The following EIF2B3 variants were observed in gnomAD, a reference collection of about 807,000 sequenced individuals.
EIF2B3 encodes eukaryotic translation initiation factor 2B subunit gamma, also known as translation initiation factor eIF2B subunit gamma.
In EIF2B3, 20 loss-of-function variants were observed where a neutral mutation model predicts 54.1. The observed-to-expected ratio is 0.37, with a 90% CI of 0.26 to 0.54. The LOEUF is 0.54. Ranked by LOEUF, EIF2B3 falls within the 20% of genes least tolerant of loss-of-function variation. The probability of loss-of-function intolerance (pLI) is 0.86; values close to 1 mark genes in which losing one functional copy is unlikely to be tolerated. For synonymous variants in EIF2B3, 153 were observed against 188.1 expected, an observed-to-expected ratio of 0.81 and a Z score of 1.52; for missense variants, 448 against 547.8, an observed-to-expected ratio of 0.82 and a Z score of 1.82.
intron 8 of EIF2B3, among the ~76,000 whole-genome samples, chr1:44,875,933 C>T (rs1329988151): frequency 5.3e-5 from 8 of 152,232 alleles, no homozygotes; most frequent in Non-Finnish European, 7.3e-5. Flanking sequence ...TGCAGGCGCG[C>T]GCCGCCACGC....
rs777128961 is a variant in EIF2B3, at chr1:44,919,715, C to CTTT, written c.566+6910_566+6912dup. Among the ~76,000 whole-genome samples the CTTT allele has an allele frequency of 2.5e-3, 286 of 115,852 alleles. 8 individuals are homozygous for CTTT. The highest frequency in any genetic ancestry group is 6.0e-3 in the East Asian group (25 of 4,188). The allele number at this position is 115,852 out of a possible 152,430, so 76.0% of individuals were successfully genotyped here. A position where few individuals can be genotyped will look rare whatever the true frequency, so the allele number is the denominator to read the frequency against. Reference sequence around the variant, plus strand: ...ATTCATTTCATCTTAATTGAATGTCCTTTTTTTTTTTTTTTTTTTTGAGAC... The same window carrying CTTT: ...ATTCATTTCATCTTAATTGAATGTCCTTTTTTTTTTTTTTTTTTTTTTTGAGAC... On this transcript the variant is annotated intron_variant, in intron 5 of 11. Transcript: ENST00000360403.
At chr1:44,859,501 T>C (rs969227511) in intron 10 of EIF2B3, among the ~76,000 whole-genome samples, 2 of 151,890 alleles carry the variant, frequency 1.3e-5, no homozygotes, top group South Asian at 2.1e-4. Flanking sequence ...CTATTAAAAA[T>C]ATAAAAATTA....
At chr1:44,938,093 T>C (rs989379600) in intron 4 of EIF2B3, among the ~76,000 whole-genome samples, 5 of 151,918 alleles carry the variant, frequency 3.3e-5, no homozygotes, top group Admixed American at 6.6e-5. Context: ...AAGAACGCCA[T>C]TTGAGGAAGT....
chr1:44,978,488 A>T, intron 2 of EIF2B3, 28 bp from the exon 3 acceptor site: 1 of 1,607,568 alleles, frequency 6.2e-7, no homozygotes, highest in African/African-American at 1.3e-5. Flanking sequence ...AAAAGAAAGA[A>T]AAACAAAAAC....
chr1:44,909,033 A>G (rs2148921141), intron 5 of EIF2B3, among the ~76,000 whole-genome samples: 1 of 152,292 alleles, frequency 6.6e-6, no homozygotes, highest in African/African-American at 2.4e-5. Context: ...AGGAGCCATG[A>G]ATTTATAGTG....
At chr1:44,911,288 A>G (rs1020661977) in intron 5 of EIF2B3, among the ~76,000 whole-genome samples, 2 of 152,170 alleles carry the variant, frequency 1.3e-5, no homozygotes, top group African/African-American at 4.8e-5. Flanking sequence ...ACTACACACC[A>G]AAGATCCTGA....
chr1:44,883,151 G>A (rs1655466532), intron 6 of EIF2B3, among the ~76,000 whole-genome samples: 1 of 150,878 alleles, frequency 6.6e-6, no homozygotes, highest in Non-Finnish European at 1.5e-5. Context: ...CTGAGGTCAG[G>A]AGTCTTGAAC....
chr1:44,917,797 G>A (rs1287063722), intron 5 of EIF2B3, among the ~76,000 whole-genome samples: 2 of 93,636 alleles, frequency 2.1e-5, no homozygotes, highest in Admixed American at 1.7e-4. Flanking sequence ...TTTTTGAGAC[G>A]GAGTCTTCCT....
At chr1:44,905,113 C>T (rs1308808571) in intron 5 of EIF2B3, among the ~76,000 whole-genome samples, 2 of 152,130 alleles carry the variant, frequency 1.3e-5, no homozygotes, top group African/African-American at 4.8e-5. Context: ...CTTGGTCACA[C>T]TGTAAGTGGT....
chr1:44,952,241 G>A (rs1346051825), intron 3 of EIF2B3, among the ~76,000 whole-genome samples: 1 of 108,114 alleles, frequency 9.2e-6, no homozygotes, highest in African/African-American at 3.5e-5. Flanking sequence ...GGGATTACAG[G>A]CGTGAGCCAC....
rs368269183 is a variant in EIF2B3 at position 44,909,464 on chromosome 1, T to C, written c.567-12020A>G. Among the ~76,000 whole-genome samples the C allele has an allele frequency of 7.9e-4, 120 of 152,208 alleles. 6 individuals carry two copies. The South Asian group carries it at 0.024, about 31-fold the overall frequency. ...AGAAAGGTGAATCCTAAACCATCTATAAGGAAAGCTAAGAAGCAGCTTGAT... is the reference window on the plus strand; with the variant it reads ...AGAAAGGTGAATCCTAAACCATCTACAAGGAAAGCTAAGAAGCAGCTTGAT... On this transcript the variant is annotated intron_variant, in intron 5 of 11. Transcript: ENST00000360403.
chr1:44,889,544 A>T (rs2148910436), intron 6 of EIF2B3, among the ~76,000 whole-genome samples: 1 of 152,246 alleles, frequency 6.6e-6, no homozygotes, highest in African/African-American at 2.4e-5. Context: ...CTTAAAAAAA[A>T]AAAAATTAAG....
At chr1:44,975,418 C>T (rs1012871455) in intron 3 of EIF2B3, among the ~76,000 whole-genome samples, 1 of 152,092 alleles carries the variant, frequency 6.6e-6, no homozygotes, top group Admixed American at 6.6e-5. Flanking sequence ...GATAGTATAG[C>T]CTACTACATA....
chr1:44,884,102 G>A (rs1655498959), intron 6 of EIF2B3, among the ~76,000 whole-genome samples: 1 of 152,146 alleles, frequency 6.6e-6, no homozygotes, highest in South Asian at 2.1e-4. Context: ...GCCTCCCAAA[G>A]TGCCGGGATT....
intron 5 of EIF2B3, among the ~76,000 whole-genome samples, chr1:44,902,141 G>C (rs1333991468): frequency 6.6e-6 from 1 of 152,110 alleles, no homozygotes; most frequent in Non-Finnish European, 1.5e-5. Flanking sequence ...TGGACTCTTA[G>C]TTCTGTTCCA....
At chr1:44,934,074 A>T (rs4472791) in intron 4 of EIF2B3, among the ~76,000 whole-genome samples, 23,257 of 149,678 alleles carry the variant, frequency 0.16, 1,914 homozygotes, top group Non-Finnish European at 0.18. Flanking sequence ...GTGAGCCAAG[A>T]TCGTGCCATT....
At chr1:44,905,687 C>T (rs1258463328) in intron 5 of EIF2B3, among the ~76,000 whole-genome samples, 1 of 152,098 alleles carries the variant, frequency 6.6e-6, no homozygotes, top group African/African-American at 2.4e-5. Context: ...GAGGCCCACC[C>T]AGATTAGCCA....
chr1:44,953,504 C>T (rs929075898), intron 3 of EIF2B3, among the ~76,000 whole-genome samples: 3 of 152,192 alleles, frequency 2.0e-5, no homozygotes, highest in African/African-American at 7.2e-5. Context: ...TTGCCGGGTG[C>T]AGTGGCTCAC....
intron 3 of EIF2B3, chr1:44,959,163 T>A (rs762669560): frequency 2.8e-6 from 2 of 719,470 alleles, no homozygotes; most frequent in Admixed American, 2.1e-5. Context: ...TTGCACAGTC[T>A]GGTGTTTTTG....
Sources: allele counts gnomAD v4.1 joint callset (sites outside exome capture counted in the v4.1 genomes callset), GRCh38; gene constraint gnomAD v4.1.1; transcripts MANE v1.5; gene names NCBI Gene and HGNC (gene_info 2026-07-23, HGNC 2026-07-21).